CYP4F3: variants seen among roughly 807,000 people sequenced by gnomAD.
CYP4F3 encodes cytochrome P450 4F3.
In CYP4F3, 50 loss-of-function variants were observed where a neutral mutation model predicts 54.8. That is an observed-to-expected ratio of 0.91 (90% CI 0.73 to 1.16). CYP4F3 has a LOEUF of 1.16. CYP4F3 is among the 50% of genes most tolerant of loss of function. The pLI is 0.00. For missense variants in CYP4F3, 715 were observed against 676.2 expected (o/e 1.06, Z -0.64); for synonymous variants, 244 against 262.6 (o/e 0.93, Z 0.69).
At chr19:15,646,013 G>A in intron 3 of CYP4F3, 150 bp downstream of exon 3, 4 of 1,209,828 alleles carry the variant, frequency 3.3e-6, no homozygotes, top group Non-Finnish European at 3.3e-6. Flanking sequence ...ATCTCCCCTG[G>A]ACTTCCATCT....
intron 9 of CYP4F3, among the ~76,000 whole-genome samples, chr19:15,654,049 C>T (rs549418257): frequency 6.6e-5 from 10 of 151,634 alleles, no homozygotes; most frequent in Non-Finnish European, 1.0e-4. Context: ...AGAATGAGAG[C>T]GCAGTGGGGA....
intron 2 of CYP4F3, among the ~76,000 whole-genome samples, chr19:15,642,027 G>A (rs1972479618): frequency 6.6e-6 from 1 of 152,144 alleles, no homozygotes; most frequent in Admixed American, 6.5e-5. Flanking sequence ...CAGAGGAGAG[G>A]TGTGGGCTGT....
At chr19:15,648,381 G>A (rs2144645525) in intron 5 of CYP4F3, among the ~76,000 whole-genome samples, 1 of 151,986 alleles carries the variant, frequency 6.6e-6, no homozygotes, top group East Asian at 2.0e-4. Flanking sequence ...ATTAGGCTTA[G>A]GAATCTGTTT....
chr19:15,647,664 A>G (rs1339192154), intron 5 of CYP4F3, among the ~76,000 whole-genome samples: 2 of 152,262 alleles, frequency 1.3e-5, no homozygotes, highest in Non-Finnish European at 2.9e-5. Flanking sequence ...ATAAAGGTTT[A>G]TGAATCCTGA....
chr19:15,650,668 C>CTTTCTTTCTTTCTTTCTTT (rs1972775000), intron 7 of CYP4F3, among the ~76,000 whole-genome samples: 1 of 19,860 alleles, frequency 5.0e-5, no homozygotes, highest in African/African-American at 3.4e-4. Flanking sequence ...CTTTTTCTTT[C>CTTTCTTTCTTTCTTTCTTT]TTTCTTTCTT....
intron 7 of CYP4F3, among the ~76,000 whole-genome samples, 172 bp from the exon 8 acceptor site, chr19:15,652,397 G>T (rs888466216): frequency 6.6e-6 from 1 of 152,130 alleles, no homozygotes; most frequent in Admixed American, 6.5e-5. Flanking sequence ...AAGCCCATGG[G>T]GTTGGGGCTC....
At chr19:15,647,150 CA>C in intron 4 of CYP4F3, 45 bp downstream of exon 4, 5 of 1,613,740 alleles carry the variant, frequency 3.1e-6, no homozygotes, top group Non-Finnish European at 4.2e-6. Context: ...CCTGGGGGGC[CA>C]GGGGAGGGAG....
chr19:15,647,364 GTT>G, intron 5 of CYP4F3, 40 bp downstream of exon 5: 1 of 1,612,764 alleles, frequency 6.2e-7, no homozygotes, highest in South Asian at 1.1e-5. Context: ...GCAGCCTTTG[GTT>G]GGGGGGAACC....
In CYP4F3 at chr19:15,649,971, C is replaced by T. The variant is rs1365204641; in HGVS notation, c.706C>T (p.His236Tyr). The T allele has an allele frequency of 9.3e-6, 15 of 1,614,048 alleles. No individual in the cohort carries two copies. Among genetic ancestry groups the T allele is most frequent in the African/African-American group, 1.3e-5 (1 of 74,916 alleles). The stretch of plus-strand genomic sequence containing the variant: ...GCTCAGTGCCCTTGTGACAAAAAGA[C>T]ACCAGCAGATCCTCCTGTACATAGA... ...LELSALVTKR[H>Y]QQILLYIDFL... Residue 236 changes from histidine (H) to tyrosine (Y), a missense_variant, in exon 7 of 13, where the codon CAC becomes TAC. Transcript: ENST00000221307.
intron 6 of CYP4F3, 142 bp downstream of exon 6, chr19:15,649,423 T>C: frequency 7.1e-7 from 1 of 1,405,950 alleles, no homozygotes; most frequent in Non-Finnish European, 9.6e-7. Context: ...CTGGTATGAA[T>C]TTTATCTTGA....
chr19:15,646,929 C>G lies in CYP4F3; in HGVS notation c.344-123C>G, dbSNP rs2144641401. 3 of 1,412,530 alleles carry G rather than the reference C, an allele frequency of 2.1e-6. No individual in the cohort carries two copies. The East Asian group carries it at 6.9e-5, about 33-fold the overall frequency. 87.5% of individuals were successfully genotyped at this position (1,412,530 alleles called of 1,614,324 possible). On this transcript the variant is annotated intron_variant, in intron 3 of 12. Transcript: ENST00000221307. ...CTGCCTTCTTCCTCTCCCCTTGACC[C>G]TCTTCTTGCTATGTGGGGCTTGGAG...
Position 15,659,341 on chromosome 19 carries a change from C to T in CYP4F3, c.1519C>T (p.Arg507Cys), listed in dbSNP as rs545365201. 3.7e-6 allele frequency: 6 copies of T among 1,613,252 alleles called. No homozygotes were observed. The highest frequency in any genetic ancestry group is 2.7e-5 in the African/African-American group (2 of 74,780). ...EPRRKPELVL[R>C]AEGGLWLRVE... is the part of the protein sequence containing the mutation. ...CCGCAGGAAGCCGGAGCTGGTCCTG[C>T]GCGCAGAGGGCGGACTTTGGCTGCG... Residue 507 changes from arginine to cysteine, a missense_variant, in exon 13 of 13, where the codon CGC (arginine) becomes TGC (cysteine). Coordinates refer to ENST00000221307, the MANE Select transcript of CYP4F3 (RefSeq NM_000896.3).
Position 15,647,062 on chromosome 19 carries a change from A to T in CYP4F3, c.354A>T (p.Val118=). The T allele has an allele frequency of 6.2e-7, 1 of 1,614,018 alleles. No individual in the cohort carries two copies. The highest frequency in any genetic ancestry group is 2.2e-5 in the East Asian group (1 of 44,878). The change falls in exon 4 of 13, where the codon GTA becomes GTT. Residue 118 remains valine, a synonymous_variant. Coordinates refer to ENST00000221307, the MANE Select transcript of CYP4F3 (RefSeq NM_000896.3). ...CCTCATTTATGTCAGCTGCCATTGT[A>T]CCAAAGGACAAGGTCTTCTACAGCT... ...KPVLFAPAAI[V]PKDKVFYSFL...
chr19:15,659,407 A>G lies in CYP4F3; in HGVS notation c.*22A>G. 6.2e-7 allele frequency: 1 copy of G among 1,604,470 alleles called. No homozygotes were observed. ...CTGAGTTCTGCAGAGACCCACTCTG[A>G]CCCCACTAAAATGACCCCTGATTCA... is the stretch of plus-strand genomic sequence containing the variant. On this transcript the variant is annotated 3_prime_UTR_variant, in exon 13 of 13. Coordinates refer to ENST00000221307, the MANE Select transcript of CYP4F3 (RefSeq NM_000896.3).
At position 15,662,823 on chromosome 19, in the gene CYP4F3, A is replaced by G. The variant is rs1481046204; in HGVS notation, c.*3438A>G. ...AATGCTAATAAAATGGTGCTTTAAA[A>G]GATGTGTTCTTCAGTTGTTTATTGT... On this transcript the variant is annotated 3_prime_UTR_variant, in exon 13 of 13. Transcript: ENST00000221307. 1 of 152,252 alleles carries G rather than the reference A, an allele frequency of 6.6e-6. No individual in the cohort carries two copies. The highest frequency in any genetic ancestry group is 1.5e-5 in the Non-Finnish European group (1 of 68,048). 9.4% of individuals were successfully genotyped at this position (152,252 alleles called of 1,614,324 possible).
intron 2 of CYP4F3, among the ~76,000 whole-genome samples, chr19:15,642,622 C>T (rs1030661111): frequency 6.6e-6 from 1 of 152,248 alleles, no homozygotes; most frequent in East Asian, 1.9e-4. Context: ...TTTTTCCTCT[C>T]AAGCTAAGTG....
chr19:15,649,234 G>A lies in CYP4F3; in HGVS notation c.600G>A (p.Leu200=). ...TTGAGCACATCAGCCTCATGACCTT[G>A]GACAGTCTGCAGAAATGTGTCTTCA... ...DMFEHISLMT[L]DSLQKCVFSF... is the part of the protein sequence containing the mutation. Residue 200 remains leucine, a synonymous_variant, in exon 6 of 13, where the codon TTG becomes TTA. Coordinates refer to ENST00000221307, the MANE Select transcript of CYP4F3 (RefSeq NM_000896.3). 4 of 1,613,434 alleles carry A rather than the reference G, an allele frequency of 2.5e-6. No homozygotes were observed. Among genetic ancestry groups the A allele is most frequent in the Non-Finnish European group, 3.4e-6 (4 of 1,179,562 alleles).
chr19:15,656,437 C>T (rs965631122), intron 9 of CYP4F3, among the ~76,000 whole-genome samples: 10 of 151,958 alleles, frequency 6.6e-5, no homozygotes, highest in South Asian at 2.1e-4. Flanking sequence ...CTTTCTCATT[C>T]TCCAAAGGTG....
Position 15,661,728 on chromosome 19 carries a change from A to AT in CYP4F3, c.*2348dup, listed in dbSNP as rs1478163144. 1 of 152,122 alleles carries AT rather than the reference A, an allele frequency of 6.6e-6. No individual in the cohort carries two copies. Among genetic ancestry groups the AT allele is most frequent in the Non-Finnish European group, 1.5e-5 (1 of 68,010 alleles). 9.4% of individuals were successfully genotyped at this position (152,122 alleles called of 1,614,324 possible). The stretch of plus-strand genomic sequence containing the variant: ...TTCTTTCATAGAGCAAACGTTTTAA[A>AT]TTTTTATGAAGTAAGACTTCTCAGT... On this transcript the variant is annotated 3_prime_UTR_variant, in exon 13 of 13. Transcript: ENST00000221307.
Sources: gnomAD v4.1 joint callset for allele counts (sites outside exome capture counted in the v4.1 genomes callset) on GRCh38, gnomAD v4.1.1 for gene constraint, MANE v1.5 for transcripts, NCBI Gene and HGNC (gene_info 2026-07-23, HGNC 2026-07-21) for gene names.